CPA5: variants seen among roughly 807,000 people sequenced by gnomAD.
CPA5 encodes testicular tissue protein Li 32.
In CPA5, 38 loss-of-function variants were observed where a neutral mutation model predicts 52.2. The ratio of observed to expected loss-of-function variants is 0.73; its 90% CI spans 0.56 to 0.95. The LOEUF (loss-of-function observed/expected upper bound fraction) is 0.95, where lower values mean the gene tolerates loss of function less well. CPA5 is among the 40% of genes least tolerant of loss of function. CPA5 has a pLI of 0.00. For missense variants in CPA5, 519 were observed against 566.7 expected, an observed-to-expected ratio of 0.92 and a Z score of 0.86; for synonymous variants, 198 against 213.7, an observed-to-expected ratio of 0.93 and a Z score of 0.64.
rs79889956 is a variant in CPA5 at position 130,357,097 on chromosome 7, G to A, written c.334-2492G>A. ...GCAATCCCAGCTTTGCCCCTGGCCA[G>A]CTAGTGCAGCTGGAAAACATCGCAA... On this transcript the variant is annotated intron_variant, in intron 5 of 12. Coordinates refer to ENST00000474905, the MANE Select transcript of CPA5 (RefSeq NM_080385.5). Among the ~76,000 whole-genome samples the A allele has an allele frequency of 4.2e-3, 633 of 152,334 alleles. 4 individuals carry two copies. The highest frequency in any genetic ancestry group is 6.8e-3 in the Middle Eastern group (2 of 294).
At chr7:130,368,275 A>T in intron 12 of CPA5, 135 bp from the exon 13 acceptor site, 1 of 813,118 alleles carries the variant, frequency 1.2e-6, no homozygotes, top group East Asian at 2.6e-5. Context: ...AGGCCTGGGC[A>T]GGAAGCCTGG....
Position 130,345,169 on chromosome 7 carries a change from C to T in CPA5, c.-188C>T, listed in dbSNP as rs1323437959. 6.6e-6 allele frequency: 1 copy of T among 152,198 alleles called. No homozygotes were observed. Among genetic ancestry groups the T allele is most frequent in the Non-Finnish European group, 1.5e-5 (1 of 68,062 alleles). 9.4% of individuals were successfully genotyped at this position (152,198 alleles called of 1,614,324 possible). On this transcript the variant is annotated 5_prime_UTR_variant, in exon 1 of 13. Transcript: ENST00000474905. The stretch of plus-strand genomic sequence containing the variant: ...AGGATACTAGAAGAGTCTGGCTTGT[C>T]TGAACAGCTGAACTACGAAATAATG...
At chr7:130,370,188 A>G (rs2117483644), downstream of CPA5, among the ~76,000 whole-genome samples, 1 of 152,362 alleles carries the variant, frequency 6.6e-6, no homozygotes, top group East Asian at 1.9e-4. Flanking sequence ...CTGGGCATGC[A>G]GATGCCCAAG....
chr7:130,350,796 T>A (rs1554403761), intron 5 of CPA5, among the ~76,000 whole-genome samples: 1 of 152,216 alleles, frequency 6.6e-6, no homozygotes, highest in African/African-American at 2.4e-5. Context: ...CTATTTCAAT[T>A]GTTCTATTTT....
intron 5 of CPA5, among the ~76,000 whole-genome samples, chr7:130,350,810 G>T (rs1475992159): frequency 4.6e-5 from 7 of 152,198 alleles, no homozygotes; most frequent in African/African-American, 1.7e-4. Flanking sequence ...CTATTTTCCA[G>T]TATATCCTAA....
At chr7:130,352,462 T>G (rs561761913) in intron 5 of CPA5, among the ~76,000 whole-genome samples, 1 of 151,290 alleles carries the variant, frequency 6.6e-6, no homozygotes, top group African/African-American at 2.4e-5. Flanking sequence ...CTGCACGCCG[T>G]GCTTCTGAGA....
downstream of CPA5, among the ~76,000 whole-genome samples, chr7:130,373,287 GT>G (rs201294125): frequency 0.027 from 3,895 of 142,096 alleles, 58 homozygotes; most frequent in Non-Finnish European, 0.033. Flanking sequence ...CTTGCTGGTG[GT>G]TTTTTTTTTT....
chr7:130,363,333 C>T, intron 9 of CPA5, 86 bp from the exon 10 acceptor site: 1 of 1,164,586 alleles, frequency 8.6e-7, no homozygotes, highest in Non-Finnish European at 1.2e-6. Flanking sequence ...ACTAGGGTCC[C>T]CTACCCCCAT....
the CPA5 span, among the ~76,000 whole-genome samples, chr7:130,374,096 C>A: frequency 6.6e-6 from 1 of 152,132 alleles, no homozygotes; most frequent in Non-Finnish European, 1.5e-5. Flanking sequence ...GGGACACGGG[C>A]CGGCTGTGCT....
At chr7:130,345,332 T>C (rs1346244108) in intron 1 of CPA5, 127 bp downstream of exon 1, 1 of 152,238 alleles carries the variant, frequency 6.6e-6, no homozygotes, top group Non-Finnish European at 1.5e-5. Flanking sequence ...CCAGTGACAG[T>C]TAAGTGGCCT....
Position 130,361,212 on chromosome 7 carries a change from A to C in CPA5, c.502A>C (p.Ser168Arg). 1 of 1,614,042 alleles carries C rather than the reference A, an allele frequency of 6.2e-7. No individual in the cohort carries two copies. The highest frequency in any genetic ancestry group is 1.3e-5 in the African/African-American group (1 of 75,064). ...TGTCTCAAAAATTCAGATTGGCAAC[A>C]GCTTTGAAAACCAGTCCATTCTTGT... ...DIVSKIQIGN[S>R]FENQSILVLK... Residue 168 changes from serine (S) to arginine (R), a missense_variant, in exon 7 of 13, where the codon AGC (serine) becomes CGC (arginine). By Grantham distance (110) the Ser-to-Arg change is moderately radical. Transcript: ENST00000474905.
chr7:130,374,089 A>G, the CPA5 span, among the ~76,000 whole-genome samples: 1 of 151,994 alleles, frequency 6.6e-6, no homozygotes, highest in East Asian at 1.9e-4. Flanking sequence ...GCATGTTGGG[A>G]CACGGGCCGG....
chr7:130,354,208 G>A (rs539080753), intron 5 of CPA5, among the ~76,000 whole-genome samples: 3 of 152,260 alleles, frequency 2.0e-5, no homozygotes, highest in African/African-American at 7.2e-5. Flanking sequence ...AATTACAGGT[G>A]TGAGCCACCA....
At chr7:130,355,845 G>A (rs921916064) in intron 5 of CPA5, among the ~76,000 whole-genome samples, 10 of 152,198 alleles carry the variant, frequency 6.6e-5, no homozygotes, top group African/African-American at 1.9e-4. Context: ...CTGAGCTCCC[G>A]CACCCTCAGA....
At chr7:130,358,539 A>G (rs1584813812) in intron 5 of CPA5, among the ~76,000 whole-genome samples, 1 of 152,192 alleles carries the variant, frequency 6.6e-6, no homozygotes, top group Admixed American at 6.5e-5. Context: ...TGGTCAACTA[A>G]GGCTCTAGCC....
At chr7:130,348,398 T>C (rs1794908856) in intron 4 of CPA5, among the ~76,000 whole-genome samples, 1 of 152,266 alleles carries the variant, frequency 6.6e-6, no homozygotes, top group Non-Finnish European at 1.5e-5. Context: ...CAGATATTCC[T>C]GGATGTGGTC....
At chr7:130,362,357 C>T (rs1457103455) in intron 7 of CPA5, 81 bp from the exon 8 acceptor site, 12 of 991,574 alleles carry the variant, frequency 1.2e-5, no homozygotes, top group Admixed American at 1.9e-5. Context: ...GAGGATGCCT[C>T]AGGGACCTCC....
rs183513618 is a variant in CPA5 at position 130,358,570 on chromosome 7, A to G, written c.334-1019A>G. Among the ~76,000 whole-genome samples the G allele has an allele frequency of 3.3e-5, 5 of 152,270 alleles. No individual in the cohort carries two copies. The East Asian group carries it at 9.7e-4, about 29-fold the overall frequency. On this transcript the variant is annotated intron_variant, in intron 5 of 12. Coordinates refer to ENST00000474905, the MANE Select transcript of CPA5 (RefSeq NM_080385.5). The stretch of plus-strand genomic sequence containing the variant: ...TAGCCCCAAATAAGTTATCAGCAAG[A>G]CTTAGTTGTGGCCCAGTGCTGCAAA...
Position 130,368,669 on chromosome 7 carries a change from G to A in CPA5, c.*72G>A. 2.0e-6 allele frequency: 3 copies of A among 1,485,172 alleles called. No individual in the cohort carries two copies. The highest frequency in any genetic ancestry group is 2.8e-6 in the Non-Finnish European group (3 of 1,070,824). The allele number at this position is 1,485,172 out of a possible 1,614,324, so 92.0% of individuals were successfully genotyped here. A position where few individuals can be genotyped will look rare whatever the true frequency, so the allele number is the denominator to read the frequency against. Reference sequence around the variant, plus strand: ...TGGCTCCTCCCGAAACCCAAGTTATGCATCCCCATCCCCATGCCCTCATCC... The same window carrying A: ...TGGCTCCTCCCGAAACCCAAGTTATACATCCCCATCCCCATGCCCTCATCC... On this transcript the variant is annotated 3_prime_UTR_variant, in exon 13 of 13. Transcript: ENST00000474905.
Sources: gnomAD v4.1 joint callset for allele counts (sites outside exome capture counted in the v4.1 genomes callset) on GRCh38, gnomAD v4.1.1 for gene constraint, MANE v1.5 for transcripts, NCBI Gene and HGNC (gene_info 2026-07-23, HGNC 2026-07-21) for gene names.